Variants in GULP1 observed in about 807,000 individuals in gnomAD.
GULP1 encodes PTB domain-containing engulfment adapter protein 1.
A neutral mutation model predicts 40.9 loss-of-function variants in GULP1; 19 were observed. The observed-to-expected ratio is 0.46, with a 90% CI of 0.32 to 0.68. The LOEUF is 0.68. GULP1 is among the 30% of genes least tolerant of loss of function. The probability of loss-of-function intolerance (pLI) is 0.03; values close to 1 mark genes in which losing one functional copy is unlikely to be tolerated. For missense variants in GULP1, 312 were observed against 362.2 expected, an observed-to-expected ratio of 0.86 and a Z score of 1.12; for synonymous variants, 119 against 117.6, an observed-to-expected ratio of 1.01 and a Z score of -0.08.
At chr2:188,325,761 T>C (rs2040669591) in intron 1 of GULP1, among the ~76,000 whole-genome samples, 1 of 152,082 alleles carries the variant, frequency 6.6e-6, no homozygotes, top group Non-Finnish European at 1.5e-5. Context: ...ATAGAATCAC[T>C]AGCCAACCTT....
chr2:188,389,860 A>T (rs1437957124), intron 2 of GULP1, among the ~76,000 whole-genome samples: 1 of 152,050 alleles, frequency 6.6e-6, no homozygotes, highest in Non-Finnish European at 1.5e-5. Context: ...GCCAAGCGAG[A>T]ACATGTGGGA....
intron 10 of GULP1, among the ~76,000 whole-genome samples, chr2:188,585,995 T>C (rs1213835214): frequency 6.6e-6 from 1 of 152,232 alleles, no homozygotes; most frequent in East Asian, 1.9e-4. Context: ...TGCATATGAC[T>C]GTATGCTTTT....
At chr2:188,355,290 C>T (rs1182079743) in intron 1 of GULP1, among the ~76,000 whole-genome samples, 1 of 151,364 alleles carries the variant, frequency 6.6e-6, no homozygotes, top group Non-Finnish European at 1.5e-5. Flanking sequence ...ATTGGCTAGA[C>T]TAAGGAAAAA....
intron 1 of GULP1, among the ~76,000 whole-genome samples, chr2:188,378,117 G>A (rs2048522251): frequency 2.0e-5 from 3 of 151,964 alleles, no homozygotes; most frequent in Admixed American, 2.0e-4. Flanking sequence ...ATTTCTCAAA[G>A]CAACAGTGTG....
At chr2:188,507,941 A>G (rs914967794) in intron 4 of GULP1, among the ~76,000 whole-genome samples, 4 of 152,010 alleles carry the variant, frequency 2.6e-5, no homozygotes, top group Non-Finnish European at 5.9e-5. Flanking sequence ...AGAAAGTGAT[A>G]TGCTGCAATA....
intron 2 of GULP1, among the ~76,000 whole-genome samples, chr2:188,471,392 C>G (rs189773285): frequency 2.0e-5 from 3 of 151,592 alleles, no homozygotes; most frequent in Admixed American, 1.3e-4. Flanking sequence ...TAAGGACTTA[C>G]TCCTGCCGTT....
At chr2:188,590,254 A>G (rs941941793) in intron 11 of GULP1, 3 of 152,192 alleles carry the variant, frequency 2.0e-5, no homozygotes, top group Non-Finnish European at 4.4e-5. Context: ...GACCACAGGC[A>G]TGAGCCACCA....
chr2:188,332,269 AACCTCC>A lies in GULP1; in HGVS notation c.-172+40110_-172+40115del, dbSNP rs1392949382. On this transcript the variant is annotated intron_variant, in intron 1 of 11. Transcript: ENST00000409830. ...CAGCGGCACAATCTCGGCTCACTGCAACCTCCACCTCCCAGGTGCAAGCCATTCTCC... is the reference window on the plus strand; with the variant it reads ...CAGCGGCACAATCTCGGCTCACTGCAACCTCCCAGGTGCAAGCCATTCTCC... 2.1e-5 allele frequency among the ~76,000 whole-genome samples: 3 copies of A among 144,638 alleles called. No individual in the cohort carries two copies. In the East Asian group the frequency reaches 6.2e-4, roughly 30 times the overall value. 94.9% of individuals were successfully genotyped at this position (144,638 alleles called of 152,430 possible). A position where few individuals can be genotyped will look rare whatever the true frequency, so the allele number is the denominator to read the frequency against.
intron 4 of GULP1, among the ~76,000 whole-genome samples, chr2:188,510,138 A>C (rs1379314101): frequency 6.6e-6 from 1 of 152,082 alleles, no homozygotes; most frequent in Non-Finnish European, 1.5e-5. Context: ...CTCAGAGGGC[A>C]CTTGAAATAT....
intron 2 of GULP1, among the ~76,000 whole-genome samples, chr2:188,474,428 A>T (rs1192113155): frequency 1.3e-5 from 2 of 152,146 alleles, no homozygotes; most frequent in African/African-American, 4.8e-5. Context: ...GGGATCAGAC[A>T]TATCCCTCTG....
chr2:188,305,194 A>C (rs1007352518), intron 1 of GULP1, among the ~76,000 whole-genome samples: 2 of 152,190 alleles, frequency 1.3e-5, no homozygotes, highest in African/African-American at 2.4e-5. Flanking sequence ...ATTATAAAGG[A>C]TAATAGAAAG....
At chr2:188,296,930 TTCTC>T (rs1255723149) in intron 1 of GULP1, among the ~76,000 whole-genome samples, 1 of 151,598 alleles carries the variant, frequency 6.6e-6, no homozygotes, top group Non-Finnish European at 1.5e-5. Flanking sequence ...GTCTCTGTCG[TTCTC>T]TCTCTCTTTG....
intron 1 of GULP1, chr2:188,297,509 C>G: frequency 2.1e-6 from 1 of 483,484 alleles, no homozygotes; most frequent in Non-Finnish European, 4.3e-6. Flanking sequence ...CACCAGTCCT[C>G]CAGGAACATC....
chr2:188,458,894 A>T (rs2059485844), intron 2 of GULP1, among the ~76,000 whole-genome samples: 1 of 151,874 alleles, frequency 6.6e-6, no homozygotes, highest in African/African-American at 2.4e-5. Context: ...CTACCTCCAT[A>T]GGTTAAATTG....
At chr2:188,432,199 A>T (rs1052635573) in intron 2 of GULP1, among the ~76,000 whole-genome samples, 1 of 151,710 alleles carries the variant, frequency 6.6e-6, no homozygotes, top group Non-Finnish European at 1.5e-5. Flanking sequence ...ATTGGAAATT[A>T]TACAGGCATT....
At chr2:188,329,001 C>T (rs2041166262) in intron 1 of GULP1, among the ~76,000 whole-genome samples, 1 of 152,224 alleles carries the variant, frequency 6.6e-6, no homozygotes, top group South Asian at 2.1e-4. Flanking sequence ...AAAAGGGTCT[C>T]GGGACACTCA....
chr2:188,442,620 G>A (rs1182595209), intron 2 of GULP1, among the ~76,000 whole-genome samples: 2 of 152,074 alleles, frequency 1.3e-5, no homozygotes, highest in Admixed American at 1.3e-4. Flanking sequence ...GAGAGTCTGG[G>A]TCCAAATCTC....
At chr2:188,361,449 A>G (rs1359793264) in intron 1 of GULP1, among the ~76,000 whole-genome samples, 1 of 152,024 alleles carries the variant, frequency 6.6e-6, no homozygotes, top group Non-Finnish European at 1.5e-5. Context: ...AACAAGGGCC[A>G]GCTTATGTAA....
chr2:188,501,027 T>C (rs1333011229), intron 4 of GULP1, among the ~76,000 whole-genome samples: 3 of 151,926 alleles, frequency 2.0e-5, no homozygotes, highest in Non-Finnish European at 4.4e-5. Flanking sequence ...ATAGATACTG[T>C]AGTTATAATG....
Sources: allele counts gnomAD v4.1 joint callset (sites outside exome capture counted in the v4.1 genomes callset), GRCh38; gene constraint gnomAD v4.1.1; transcripts MANE v1.5; gene names NCBI Gene and HGNC (gene_info 2026-07-23, HGNC 2026-07-21).